Variants in EPB41L4A observed in about 807,000 individuals in gnomAD.
EPB41L4A encodes erythrocyte membrane protein band 4.1 like 4A.
Under a neutral mutation model 108.6 loss-of-function variants are expected in EPB41L4A, and 100 were observed. That is an observed-to-expected ratio of 0.92 (90% CI 0.78 to 1.09). EPB41L4A has a LOEUF of 1.09. Among genes scored for constraint, EPB41L4A ranks in the 50% least tolerant of loss-of-function variants. The pLI is 0.00. For synonymous variants in EPB41L4A, 319 were observed against 289.0 expected (o/e 1.10, Z -1.05); for missense variants, 1,030 against 842.7 (o/e 1.22, Z -2.75).
chr5:112,370,223 G>T (rs1759402672), intron 1 of EPB41L4A, among the ~76,000 whole-genome samples: 1 of 144,422 alleles, frequency 6.9e-6, no homozygotes, highest in Non-Finnish European at 1.5e-5. Flanking sequence ...ATTTTGTAAA[G>T]ACAGGGTCTT....
intron 4 of EPB41L4A, among the ~76,000 whole-genome samples, chr5:112,268,636 G>A (rs1367095102): frequency 1.3e-5 from 2 of 151,852 alleles, no homozygotes; most frequent in Non-Finnish European, 2.9e-5. Context: ...GATTGCTTGA[G>A]GCCAAGAGTT....
intron 1 of EPB41L4A, among the ~76,000 whole-genome samples, chr5:112,359,496 C>T (rs748985560): frequency 1.2e-4 from 18 of 151,824 alleles, no homozygotes; most frequent in Non-Finnish European, 2.6e-4. Flanking sequence ...AAACTCACTT[C>T]CTGCTTCAGA....
intron 12 of EPB41L4A, among the ~76,000 whole-genome samples, chr5:112,233,463 T>C (rs141108109): frequency 0.026 from 3,906 of 152,350 alleles, 73 homozygotes; most frequent in Non-Finnish European, 0.037. Context: ...ATTTTATTTA[T>C]ATACTTTCTA....
intron 9 of EPB41L4A, among the ~76,000 whole-genome samples, chr5:112,256,493 G>A (rs545908028): frequency 1.3e-5 from 2 of 152,046 alleles, no homozygotes; most frequent in South Asian, 2.1e-4. Flanking sequence ...TCGGCAAAAC[G>A]ACTAGATATG....
intron 1 of EPB41L4A, among the ~76,000 whole-genome samples, chr5:112,387,618 T>C (rs7725728): frequency 0.022 from 3,346 of 152,142 alleles, 130 homozygotes; most frequent in African/African-American, 0.069. Context: ...GACAGAAAGA[T>C]TTTCATATCA....
chr5:112,254,872 C>T (rs1750959292), intron 9 of EPB41L4A, among the ~76,000 whole-genome samples: 1 of 151,862 alleles, frequency 6.6e-6, no homozygotes, highest in African/African-American at 2.4e-5. Context: ...ATCAGCAAAC[C>T]CCCTCACTCC....
intron 12 of EPB41L4A, among the ~76,000 whole-genome samples, chr5:112,155,921 T>C (rs1476742816): frequency 6.6e-6 from 1 of 152,124 alleles, no homozygotes; most frequent in African/African-American, 2.4e-5. Context: ...TTATTAATGT[T>C]AAGTAGATAT....
chr5:112,266,218 T>G lies in EPB41L4A; in HGVS notation c.433+15A>C, dbSNP rs751627006. ...CCAGACATTTCTGAGGCAAATATGCTTAAGTGGCACCTACACTGGATGGCA... is the reference window on the plus strand; with the variant it reads ...CCAGACATTTCTGAGGCAAATATGCGTAAGTGGCACCTACACTGGATGGCA... On this transcript the variant is annotated intron_variant, in intron 5 of 22. Transcript: ENST00000261486. The G allele has an allele frequency of 1.9e-6, 3 of 1,569,248 alleles. No individual in the cohort carries two copies. The highest frequency in any genetic ancestry group is 1.7e-6 in the Non-Finnish European group (2 of 1,158,274).
At chr5:112,216,252 C>T (rs1275394159) in intron 12 of EPB41L4A, among the ~76,000 whole-genome samples, 1 of 152,164 alleles carries the variant, frequency 6.6e-6, no homozygotes, top group Non-Finnish European at 1.5e-5. Flanking sequence ...GATGAATATA[C>T]ACGTATTTTC....
chr5:112,327,808 G>A (rs1189414334), intron 1 of EPB41L4A, among the ~76,000 whole-genome samples: 1 of 152,156 alleles, frequency 6.6e-6, no homozygotes, highest in African/African-American at 2.4e-5. Flanking sequence ...TAACAGAAAG[G>A]GAGAGAGGGA....
chr5:112,419,538 C>G (rs945610560), upstream of EPB41L4A: 16 of 424,086 alleles, frequency 3.8e-5, no homozygotes, highest in Non-Finnish European at 6.1e-5. Flanking sequence ...CGGAGTCCCC[C>G]GCGGGCGCGC....
At chr5:112,201,025 A>C (rs534939092) in intron 15 of EPB41L4A, among the ~76,000 whole-genome samples, 2 of 152,364 alleles carry the variant, frequency 1.3e-5, no homozygotes, top group Non-Finnish European at 1.5e-5. Context: ...TCTTGATTTT[A>C]AATGCCAGTG....
intron 3 of EPB41L4A, among the ~76,000 whole-genome samples, chr5:112,279,237 G>T (rs909028525): frequency 3.9e-5 from 6 of 152,088 alleles, no homozygotes; most frequent in Non-Finnish European, 7.4e-5. Flanking sequence ...ATAGAAACAG[G>T]ACTTTCGGAT....
At chr5:112,152,723 C>G (rs1414273856) in intron 12 of EPB41L4A, among the ~76,000 whole-genome samples, 5 of 151,736 alleles carry the variant, frequency 3.3e-5, no homozygotes, top group Admixed American at 3.3e-4. Context: ...ACTATAAGGA[C>G]ACAAAAATGG....
chr5:112,349,585 A>T (rs1046100030), intron 1 of EPB41L4A, among the ~76,000 whole-genome samples: 1 of 152,234 alleles, frequency 6.6e-6, no homozygotes, highest in African/African-American at 2.4e-5. Context: ...AGACTGAAAA[A>T]TTATGCTGAC....
chr5:112,409,428 G>A (rs1034041333), intron 1 of EPB41L4A, among the ~76,000 whole-genome samples: 11 of 152,198 alleles, frequency 7.2e-5, no homozygotes, highest in Admixed American at 4.6e-4. Context: ...GCACAATTCC[G>A]TAAATATATG....
intron 1 of EPB41L4A, among the ~76,000 whole-genome samples, chr5:112,339,122 C>T (rs1329017314): frequency 1.3e-5 from 2 of 152,006 alleles, no homozygotes; most frequent in East Asian, 1.9e-4. Context: ...TAGGTGCCAG[C>T]GAAGAGAGCA....
At chr5:112,252,726 C>A (rs78421641) in intron 9 of EPB41L4A, among the ~76,000 whole-genome samples, 1 of 151,938 alleles carries the variant, frequency 6.6e-6, no homozygotes, top group Admixed American at 6.6e-5. Context: ...GAAGAACCAC[C>A]TGTTGGGTAC....
intron 1 of EPB41L4A, among the ~76,000 whole-genome samples, chr5:112,395,021 C>G (rs568652748): frequency 6.6e-6 from 1 of 152,260 alleles, no homozygotes; most frequent in African/African-American, 2.4e-5. Flanking sequence ...ATAAATGGTG[C>G]TGGGAAAACT....
Sources: gnomAD v4.1 joint callset for allele counts (sites outside exome capture counted in the v4.1 genomes callset) on GRCh38, gnomAD v4.1.1 for gene constraint, MANE v1.5 for transcripts, NCBI Gene and HGNC (gene_info 2026-07-23, HGNC 2026-07-21) for gene names.